The following ZBTB20 variants were observed in gnomAD, a reference collection of about 807,000 sequenced individuals.
ZBTB20 encodes the protein zinc finger and BTB domain-containing protein 20.
A neutral mutation model predicts 56.9 loss-of-function variants in ZBTB20; 9 were observed. The observed-to-expected ratio is 0.16, with a 90% CI of 0.10 to 0.28. The LOEUF (loss-of-function observed/expected upper bound fraction) is 0.28, where lower values mean the gene tolerates loss of function less well. Ranked by LOEUF, ZBTB20 falls within the 10% of genes least tolerant of loss-of-function variation. The probability of loss-of-function intolerance (pLI) is 1.00; values close to 1 mark genes in which losing one functional copy is unlikely to be tolerated. For missense variants in ZBTB20, 655 were observed against 1,003.0 expected, an observed-to-expected ratio of 0.65 and a Z score of 4.69; for synonymous variants, 417 against 420.7, an observed-to-expected ratio of 0.99 and a Z score of 0.11.
chr3:114,478,913 A>C (rs1242275346), intron 7 of ZBTB20, among the ~76,000 whole-genome samples: 1 of 152,216 alleles, frequency 6.6e-6, no homozygotes, highest in East Asian at 1.9e-4. Flanking sequence ...GAAATACTAA[A>C]GGGGATGCTG....
intron 4 of ZBTB20, among the ~76,000 whole-genome samples, chr3:114,839,641 T>A (rs1038915857): frequency 6.6e-6 from 1 of 152,178 alleles, no homozygotes; most frequent in Non-Finnish European, 1.5e-5. Context: ...GAATGTGACC[T>A]TATTTGGAAA....
chr3:115,114,386 T>C (rs2083962336), intron 1 of ZBTB20, among the ~76,000 whole-genome samples: 1 of 152,152 alleles, frequency 6.6e-6, no homozygotes, highest in South Asian at 2.1e-4. Context: ...TATCAATGGC[T>C]GTGCTTACTA....
At chr3:114,430,855 T>C (rs993455444) in intron 7 of ZBTB20, among the ~76,000 whole-genome samples, 1 of 152,236 alleles carries the variant, frequency 6.6e-6, no homozygotes, top group Non-Finnish European at 1.5e-5. Context: ...GCACATAGTC[T>C]GCTTCATTTT....
intron 2 of ZBTB20, among the ~76,000 whole-genome samples, chr3:115,016,542 T>G (rs1290539950): frequency 6.6e-6 from 1 of 151,924 alleles, no homozygotes. Flanking sequence ...GCTAGCCAGT[T>G]CTCCCAGTAC....
chr3:114,524,566 C>T (rs1460101012), intron 6 of ZBTB20, among the ~76,000 whole-genome samples: 1 of 152,070 alleles, frequency 6.6e-6, no homozygotes, highest in East Asian at 1.9e-4. Flanking sequence ...TTTTCTACTA[C>T]CTCCTCAATG....
chr3:114,592,604 A>C (rs1329163825), intron 6 of ZBTB20, among the ~76,000 whole-genome samples: 1 of 152,226 alleles, frequency 6.6e-6, no homozygotes, highest in Non-Finnish European at 1.5e-5. Context: ...TTCCTGGGTG[A>C]TCAGCCATAG....
At chr3:114,346,689 T>C (rs982853606) in intron 11 of ZBTB20, among the ~76,000 whole-genome samples, 2 of 151,196 alleles carry the variant, frequency 1.3e-5, no homozygotes, top group Non-Finnish European at 3.0e-5. Flanking sequence ...ACAGATTTTT[T>C]TTTTTTTTTT....
rs754441752 is a variant in ZBTB20, at chr3:114,316,507, ACT to A, written c.*22496_*22497del. 1.9e-6 allele frequency: 1 copy of A among 529,092 alleles called. No individual in the cohort carries two copies. Among genetic ancestry groups the A allele is most frequent in the Admixed American group, 2.0e-5 (1 of 50,924 alleles). 32.8% of individuals were successfully genotyped at this position (529,092 alleles called of 1,614,324 possible). ...ACACCTATACATGTATAATATATACACTATATATATGTGGATACATATAGGAA... is the reference window on the plus strand; with the variant it reads ...ACACCTATACATGTATAATATATACAATATATATGTGGATACATATAGGAA... On this transcript the variant is annotated 3_prime_UTR_variant, in exon 12 of 12. Transcript: ENST00000675478.
intron 6 of ZBTB20, among the ~76,000 whole-genome samples, chr3:114,587,186 G>A (rs537247230): frequency 4.6e-5 from 7 of 151,740 alleles, no homozygotes; most frequent in East Asian, 1.9e-4. Flanking sequence ...TAGTAGAGAC[G>A]GGGTTTCACC....
chr3:115,135,207 G>T (rs752038411), intron 1 of ZBTB20, among the ~76,000 whole-genome samples: 12 of 152,196 alleles, frequency 7.9e-5, no homozygotes, highest in Non-Finnish European at 1.6e-4. Context: ...CATGACAGTT[G>T]TTTATAGGTC....
At chr3:114,837,701 C>T (rs2074189289) in intron 4 of ZBTB20, among the ~76,000 whole-genome samples, 1 of 151,936 alleles carries the variant, frequency 6.6e-6, no homozygotes, top group South Asian at 2.1e-4. Flanking sequence ...AAAAACTTAA[C>T]CTTGGAAGTG....
intron 7 of ZBTB20, among the ~76,000 whole-genome samples, chr3:114,492,903 G>C (rs1390879935): frequency 6.6e-6 from 1 of 152,166 alleles, no homozygotes; most frequent in Non-Finnish European, 1.5e-5. Context: ...GTATGTGAGT[G>C]TATATTTAGT....
intron 6 of ZBTB20, among the ~76,000 whole-genome samples, chr3:114,505,411 G>C (rs1324236769): frequency 6.6e-6 from 1 of 152,156 alleles, no homozygotes; most frequent in African/African-American, 2.4e-5. Flanking sequence ...TCACAAATGA[G>C]TCAGAAAATT....
intron 6 of ZBTB20, among the ~76,000 whole-genome samples, chr3:114,545,545 G>C (rs982533832): frequency 3.3e-5 from 5 of 152,130 alleles, no homozygotes; most frequent in Middle Eastern, 3.2e-3. Flanking sequence ...TTGTAAATTA[G>C]GGATAACAAT....
At chr3:115,099,048 AT>A (rs2083482465) in intron 1 of ZBTB20, among the ~76,000 whole-genome samples, 1 of 152,188 alleles carries the variant, frequency 6.6e-6, no homozygotes, top group Non-Finnish European at 1.5e-5. Context: ...TAAGAAGTCC[AT>A]TTCAAATGGC....
chr3:114,604,354 C>A (rs753017239), intron 6 of ZBTB20, among the ~76,000 whole-genome samples: 4 of 151,606 alleles, frequency 2.6e-5, no homozygotes, highest in Non-Finnish European at 5.9e-5. Context: ...AAAAAGACCA[C>A]TGGAAAGTTA....
chr3:114,422,151 G>C (rs557667869), intron 7 of ZBTB20, among the ~76,000 whole-genome samples: 1 of 152,124 alleles, frequency 6.6e-6, no homozygotes, highest in African/African-American at 2.4e-5. Context: ...AAAATGAAGA[G>C]AAATGAAAGA....
At chr3:114,926,776 C>T (rs1254773277) in intron 3 of ZBTB20, among the ~76,000 whole-genome samples, 1 of 152,128 alleles carries the variant, frequency 6.6e-6, no homozygotes, top group African/African-American at 2.4e-5. Flanking sequence ...TATTGTCTAA[C>T]AATCAATCTG....
chr3:114,523,236 G>A (rs963346608), intron 6 of ZBTB20, among the ~76,000 whole-genome samples: 4 of 152,170 alleles, frequency 2.6e-5, no homozygotes, highest in Non-Finnish European at 4.4e-5. Context: ...AAAGACTGCC[G>A]AATGGTTAAT....
Sources: gnomAD v4.1 joint callset for allele counts (sites outside exome capture counted in the v4.1 genomes callset) on GRCh38, gnomAD v4.1.1 for gene constraint, MANE v1.5 for transcripts, NCBI Gene and HGNC (gene_info 2026-07-23, HGNC 2026-07-21) for gene names.